Variants in PTPRT observed in about 807,000 individuals in gnomAD.
PTPRT encodes the protein receptor-type tyrosine-protein phosphatase T.
Under a neutral mutation model 176.8 loss-of-function variants are expected in PTPRT, and 56 were observed. The ratio of observed to expected loss-of-function variants is 0.32; its 90% confidence interval spans 0.26 to 0.40. The LOEUF is 0.40. PTPRT is among the 10% of genes least tolerant of loss of function. The probability of loss-of-function intolerance (pLI) is 1.00; values close to 1 mark genes in which losing one functional copy is unlikely to be tolerated. For missense variants in PTPRT, 1,540 were observed against 1,908.2 expected (o/e 0.81, Z 3.60); for synonymous variants, 783 against 739.0 (o/e 1.06, Z -0.96).
intron 7 of PTPRT, among the ~76,000 whole-genome samples, chr20:42,497,456 GGTTT>G (rs1220422855): frequency 6.6e-6 from 1 of 151,108 alleles, no homozygotes; most frequent in African/African-American, 2.4e-5. Flanking sequence ...GATTTTTTTT[GGTTT>G]GTTTGTTTGA....
intron 13 of PTPRT, among the ~76,000 whole-genome samples, chr20:42,257,233 C>A (rs1375913631): frequency 6.6e-6 from 1 of 152,120 alleles, no homozygotes; most frequent in Non-Finnish European, 1.5e-5. Context: ...CAAGTCAAGG[C>A]CAACATGGAG....
chr20:42,321,477 C>T (rs62208720), intron 11 of PTPRT, among the ~76,000 whole-genome samples: 11,465 of 152,182 alleles, frequency 0.075, 567 homozygotes, highest in East Asian at 0.23. Context: ...CCTGTATAGC[C>T]AACAGGGGCA....
At chr20:42,402,811 G>A (rs757118220) in intron 9 of PTPRT, among the ~76,000 whole-genome samples, 4 of 151,250 alleles carry the variant, frequency 2.6e-5, no homozygotes, top group East Asian at 1.9e-4. Context: ...GTGGTTTGGG[G>A]GTGTGTGTGT....
chr20:42,924,282 A>G (rs1480330084), intron 1 of PTPRT, among the ~76,000 whole-genome samples: 1 of 152,170 alleles, frequency 6.6e-6, no homozygotes, highest in African/African-American at 2.4e-5. Flanking sequence ...GCCCTGGATG[A>G]TCTTTGGGTT....
At chr20:42,051,414 A>G in the PTPRT span, among the ~76,000 whole-genome samples, 3 of 152,186 alleles carry the variant, frequency 2.0e-5, no homozygotes, top group Non-Finnish European at 4.4e-5. Flanking sequence ...AAGTGAGGCA[A>G]GGAGGGAAAA....
Position 42,578,014 on chromosome 20 carries a change from G to A in PTPRT, c.1153+99852C>T, listed in dbSNP as rs531709990. Among the ~76,000 whole-genome samples the A allele has an allele frequency of 1.3e-4, 19 of 150,488 alleles. No homozygotes were observed. In the South Asian group the frequency reaches 3.2e-3, roughly 25 times the overall value. On this transcript the variant is annotated intron_variant, in intron 7 of 30. Transcript: ENST00000373187. ...GTGAATTCCCATTAGGAGGTGGGACGCTAGCAAACTGGAAGGCAGAGCCCA... is the reference window on the plus strand; with the variant it reads ...GTGAATTCCCATTAGGAGGTGGGACACTAGCAAACTGGAAGGCAGAGCCCA...
chr20:42,967,458 G>A (rs998771613), intron 1 of PTPRT, among the ~76,000 whole-genome samples: 1 of 152,116 alleles, frequency 6.6e-6, no homozygotes, highest in East Asian at 1.9e-4. Context: ...GGGCAATGAT[G>A]CGGCCACAAA....
At chr20:42,066,276 A>G in the PTPRT span, among the ~76,000 whole-genome samples, 1 of 152,056 alleles carries the variant, frequency 6.6e-6, no homozygotes, top group Non-Finnish European at 1.5e-5. Flanking sequence ...TCCTGACCTC[A>G]GGTGATCTGC....
intron 13 of PTPRT, among the ~76,000 whole-genome samples, chr20:42,255,223 T>C (rs1333400297): frequency 6.6e-6 from 1 of 152,232 alleles, no homozygotes; most frequent in Non-Finnish European, 1.5e-5. Flanking sequence ...ATGCCATCAC[T>C]AATGGGTTGT....
intron 7 of PTPRT, among the ~76,000 whole-genome samples, chr20:42,565,236 C>T (rs2073018805): frequency 6.6e-6 from 1 of 152,132 alleles, no homozygotes; most frequent in Non-Finnish European, 1.5e-5. Context: ...GCCTGGGAGG[C>T]CTCAAACTGA....
intron 13 of PTPRT, among the ~76,000 whole-genome samples, chr20:42,254,866 G>A (rs1489658561): frequency 6.6e-6 from 1 of 152,282 alleles, no homozygotes; most frequent in Admixed American, 6.5e-5. Context: ...TCTACAGGAT[G>A]CTGACCTTTT....
intron 12 of PTPRT, among the ~76,000 whole-genome samples, chr20:42,287,646 C>T (rs965269984): frequency 5.9e-5 from 9 of 151,896 alleles, no homozygotes; most frequent in Middle Eastern, 3.4e-3. Context: ...GGAATAAGTT[C>T]TAGTGTTCTG....
Position 42,529,252 on chromosome 20 carries a change from C to T in PTPRT, c.1154-56690G>A, listed in dbSNP as rs140695701. Among the ~76,000 whole-genome samples the T allele has an allele frequency of 8.3e-4, 126 of 152,078 alleles. 1 individual carries two copies. The highest frequency in any genetic ancestry group is 2.8e-3 in the African/African-American group (118 of 41,490). ...TCAAAAAGATGTTAGTTTAAAAATC[C>T]GCTTGGTAAAGGTAATAAAAGGTAT... On this transcript the variant is annotated intron_variant, in intron 7 of 30. Transcript: ENST00000373187.
intron 1 of PTPRT, among the ~76,000 whole-genome samples, chr20:43,085,187 T>C (rs2011569951): frequency 6.6e-6 from 1 of 152,130 alleles, no homozygotes; most frequent in Non-Finnish European, 1.5e-5. Flanking sequence ...CTAGGAGGCA[T>C]GGATGCACAG....
At chr20:42,235,351 C>A (rs868694266) in intron 15 of PTPRT, among the ~76,000 whole-genome samples, 20 of 151,996 alleles carry the variant, frequency 1.3e-4, no homozygotes, top group African/African-American at 4.6e-4. Context: ...CAACCTCCGC[C>A]CTGGGTTCAA....
intron 1 of PTPRT, among the ~76,000 whole-genome samples, chr20:43,045,774 T>A (rs1422141244): frequency 6.6e-6 from 1 of 151,970 alleles, no homozygotes; most frequent in Non-Finnish European, 1.5e-5. Context: ...ATCCCTACCC[T>A]TTTGAGTTTA....
At position 42,209,466 on chromosome 20, in the gene PTPRT, T is replaced by C. The variant is rs1443608319; in HGVS notation, c.2343-10078A>G. 2.0e-5 allele frequency among the ~76,000 whole-genome samples: 3 copies of C among 151,962 alleles called. No individual in the cohort carries two copies. The East Asian group carries it at 5.8e-4, about 29-fold the overall frequency. On this transcript the variant is annotated intron_variant, in intron 15 of 30. Transcript: ENST00000373187. ...ACAATAAAAAATGATAAAGGGGATA[T>C]CACCACCAATCCCACAGAAATGCAA...
intron 17 of PTPRT, among the ~76,000 whole-genome samples, chr20:42,159,623 C>T (rs1049488553): frequency 6.6e-6 from 1 of 152,010 alleles, no homozygotes; most frequent in African/African-American, 2.4e-5. Flanking sequence ...AACTCTAATT[C>T]GAATATCCTT....
chr20:42,392,219 C>G (rs1332887740), intron 9 of PTPRT, among the ~76,000 whole-genome samples: 2 of 152,202 alleles, frequency 1.3e-5, no homozygotes, highest in Non-Finnish European at 2.9e-5. Context: ...TGAACATTTC[C>G]TGCCCTACCT....
Sources: gnomAD v4.1 joint callset for allele counts (sites outside exome capture counted in the v4.1 genomes callset) on GRCh38, gnomAD v4.1.1 for gene constraint, MANE v1.5 for transcripts, NCBI Gene and HGNC (gene_info 2026-07-23, HGNC 2026-07-21) for gene names.